The following FBN2 variants were observed in gnomAD, a reference collection of about 807,000 sequenced individuals.
The protein encoded by FBN2 is fibrillin-2.
A neutral mutation model predicts 355.6 loss-of-function variants in FBN2; 105 were observed. That is an observed-to-expected ratio of 0.30 (90% CI 0.25 to 0.35). The LOEUF is 0.35. FBN2 is among the 10% of genes least tolerant of loss of function. The pLI is 1.00. For synonymous variants in FBN2, 1,350 were observed against 1,301.2 expected, an observed-to-expected ratio of 1.04 and a Z score of -0.81; for missense variants, 3,280 against 3,758.7, an observed-to-expected ratio of 0.87 and a Z score of 3.33.
intron 6 of FBN2, among the ~76,000 whole-genome samples, chr5:128,460,340 C>T (rs187181687): frequency 6.6e-6 from 1 of 152,196 alleles, no homozygotes; most frequent in African/African-American, 2.4e-5. Flanking sequence ...CAAAACACTG[C>T]TCAAGGAAAT....
At chr5:128,528,968 C>G (rs146748548) in intron 3 of FBN2, among the ~76,000 whole-genome samples, 40 of 152,204 alleles carry the variant, frequency 2.6e-4, no homozygotes, top group Admixed American at 1.9e-3. Flanking sequence ...TTTAAAGAGC[C>G]GACATAGAGA....
chr5:128,504,437 G>A (rs1436435414), intron 5 of FBN2, among the ~76,000 whole-genome samples: 1 of 152,184 alleles, frequency 6.6e-6, no homozygotes, highest in Non-Finnish European at 1.5e-5. Flanking sequence ...GAGAGGGGCT[G>A]TAACCTGCAA....
Position 128,261,900 on chromosome 5 carries a change from C to T in FBN2, c.8200G>A (p.Val2734Ile). The T allele has an allele frequency of 6.2e-7, 1 of 1,614,002 alleles. No homozygotes were observed. Among genetic ancestry groups the T allele is most frequent in the Non-Finnish European group, 8.5e-7 (1 of 1,179,862 alleles). The change falls in exon 64 of 65, where the codon GTC becomes ATC. Residue 2734 changes from valine (V) to isoleucine (I), a missense_variant. By Grantham distance (29) the Val-to-Ile change is conservative. Around this residue, in one of 6 missense-constraint regions of FBN2, gnomAD observed 311 missense variants for 319.1 expected, o/e 0.97. Transcript: ENST00000262464. ...CCCTTGTTAAATCCCATTCCTGAGA[C>T]ACAGTGGCTATTTGCAAAAAGCAAA... ...GYYRVGQGHC[V>I]SGMGFNKGQY...
At chr5:128,411,069 G>T (rs1338730322) in intron 7 of FBN2, among the ~76,000 whole-genome samples, 1 of 152,174 alleles carries the variant, frequency 6.6e-6, no homozygotes, top group Non-Finnish European at 1.5e-5. Context: ...CAGGACTTGA[G>T]ACAGGGGTGG....
intron 15 of FBN2, among the ~76,000 whole-genome samples, chr5:128,369,561 G>A (rs1157940457): frequency 6.6e-6 from 1 of 152,150 alleles, no homozygotes; most frequent in African/African-American, 2.4e-5. Flanking sequence ...TCTTTAATAA[G>A]TTTTATGAGC....
intron 2 of FBN2, among the ~76,000 whole-genome samples, chr5:128,534,558 T>C (rs1756796283): frequency 6.6e-6 from 1 of 152,264 alleles, no homozygotes; most frequent in South Asian, 2.1e-4. Context: ...TTCTTACAGA[T>C]ATAAAGATCA....
intron 5 of FBN2, among the ~76,000 whole-genome samples, chr5:128,472,814 A>G (rs943374818): frequency 2.0e-5 from 3 of 152,070 alleles, no homozygotes; most frequent in Non-Finnish European, 2.9e-5. Context: ...AAAATGATTA[A>G]CACAGCAAAT....
intron 8 of FBN2, among the ~76,000 whole-genome samples, chr5:128,401,651 C>T (rs950542937): frequency 6.6e-5 from 10 of 152,012 alleles, no homozygotes; most frequent in African/African-American, 2.4e-4. Context: ...CGTGGTGGCA[C>T]GTTGCTGTAG....
At chr5:128,296,932 G>C (rs1234090143) in intron 48 of FBN2, among the ~76,000 whole-genome samples, 1 of 151,862 alleles carries the variant, frequency 6.6e-6, no homozygotes, top group Admixed American at 6.6e-5. Context: ...GTGATGTTAG[G>C]GTGTCAATTT....
At chr5:128,442,371 G>A in intron 7 of FBN2, 1 of 456,504 alleles carries the variant, frequency 2.2e-6, no homozygotes, top group Non-Finnish European at 4.4e-6. Flanking sequence ...TATCCACATG[G>A]ACTGAAATTC....
chr5:128,460,491 A>T (rs1275776611), intron 6 of FBN2, among the ~76,000 whole-genome samples: 1 of 152,186 alleles, frequency 6.6e-6, no homozygotes, highest in Non-Finnish European at 1.5e-5. Context: ...TCTTCACAGA[A>T]TTAGAAAAAA....
chr5:128,274,536 G>A (rs750735657), intron 60 of FBN2, 31 bp downstream of exon 60: 4 of 1,235,150 alleles, frequency 3.2e-6, no homozygotes. Flanking sequence ...CTAGAAGTTT[G>A]TAAAATTTCC....
chr5:128,370,499 C>G (rs1581246805), intron 15 of FBN2, among the ~76,000 whole-genome samples: 1 of 152,132 alleles, frequency 6.6e-6, no homozygotes, highest in Non-Finnish European at 1.5e-5. Flanking sequence ...CAACCCCATC[C>G]CTGAGGAGTC....
intron 6 of FBN2, among the ~76,000 whole-genome samples, chr5:128,452,061 A>G (rs557507337): frequency 2.6e-5 from 4 of 152,304 alleles, no homozygotes; most frequent in African/African-American, 9.6e-5. Context: ...AAAATAAAAA[A>G]GAAAATTTAA....
intron 7 of FBN2, among the ~76,000 whole-genome samples, chr5:128,443,806 A>G (rs1753987257): frequency 6.6e-6 from 1 of 152,188 alleles, no homozygotes; most frequent in Non-Finnish European, 1.5e-5. Flanking sequence ...TTATATTTGC[A>G]CTGTAATTCA....
intron 34 of FBN2, among the ~76,000 whole-genome samples, chr5:128,320,723 T>C (rs971317141): frequency 1.3e-5 from 2 of 152,206 alleles, no homozygotes; most frequent in Non-Finnish European, 2.9e-5. Context: ...GATGAGACAT[T>C]TTTATATACA....
Position 128,259,688 on chromosome 5 carries a change from T to C in FBN2, c.8506A>G (p.Ile2836Val), listed in dbSNP as rs1249852107. Residue 2836 changes from isoleucine (I) to valine (V), a missense_variant, in exon 65 of 65, where the codon ATC becomes GTC. Transcript: ENST00000262464. Reference protein sequence around the residue: ...QPLNNHIRYVISQGNDDSVFR... With the variant: ...QPLNNHIRYVVSQGNDDSVFR... Reference sequence around the variant, plus strand: ...ACGCTGTCATCGTTCCCTTGAGAGATGACATAACGGATGTGGTTGTTGAGG... The same window carrying C: ...ACGCTGTCATCGTTCCCTTGAGAGACGACATAACGGATGTGGTTGTTGAGG... 4 of 1,613,952 alleles carry C rather than the reference T, an allele frequency of 2.5e-6. No homozygotes were observed. The highest frequency in any genetic ancestry group is 3.4e-6 in the Non-Finnish European group (4 of 1,179,974).
At position 128,380,900 on chromosome 5, in the gene FBN2, T is replaced by C. The variant is rs554526062; in HGVS notation, c.1604-2010A>G. Among the ~76,000 whole-genome samples, 4 of 152,172 alleles carry C rather than the reference T, an allele frequency of 2.6e-5. No homozygotes were observed. In the South Asian group the frequency reaches 8.3e-4, roughly 32 times the overall value. On this transcript the variant is annotated intron_variant, in intron 11 of 64. Transcript: ENST00000262464. Reference sequence around the variant, plus strand: ...ATTTTGACTTCTTAGTATGTTTTCATTGGGGGGATGGGTATTTTTAAGCAA... The same window carrying C: ...ATTTTGACTTCTTAGTATGTTTTCACTGGGGGGATGGGTATTTTTAAGCAA...
chr5:128,473,465 ATAAAT>A (rs1031938829), intron 5 of FBN2, among the ~76,000 whole-genome samples: 5 of 152,324 alleles, frequency 3.3e-5, no homozygotes, highest in South Asian at 2.1e-4. Flanking sequence ...ATTTTTACAA[ATAAAT>A]TAAAAGTCAC....
Sources: allele counts gnomAD v4.1 joint callset (sites outside exome capture counted in the v4.1 genomes callset), GRCh38; gene constraint gnomAD v4.1.1; regional missense constraint gnomAD v4.1.1; transcripts MANE v1.5; gene names NCBI Gene and HGNC (gene_info 2026-07-23, HGNC 2026-07-21).